BEST3: variants seen among roughly 807,000 people sequenced by gnomAD.
BEST3 encodes bestrophin-3.
A neutral mutation model predicts 47.1 loss-of-function variants in BEST3; 50 were observed. The observed-to-expected ratio is 1.06, with a 90% CI of 0.85 to 1.34. BEST3 has a LOEUF of 1.34. BEST3 is among the 40% of genes most tolerant of loss of function. BEST3 has a pLI of 0.00. For missense variants in BEST3, 765 were observed against 817.0 expected, an observed-to-expected ratio of 0.94 and a Z score of 0.78; for synonymous variants, 282 against 298.8, an observed-to-expected ratio of 0.94 and a Z score of 0.58.
intron 7 of BEST3, among the ~76,000 whole-genome samples, chr12:69,675,974 A>C (rs187322740): frequency 1.3e-5 from 2 of 152,338 alleles, no homozygotes; most frequent in Admixed American, 1.3e-4. Context: ...CTTTGAATGA[A>C]CTTAATGAAG....
chr12:69,682,875 C>A (rs749612247), intron 4 of BEST3, among the ~76,000 whole-genome samples: 38 of 152,096 alleles, frequency 2.5e-4, no homozygotes, highest in African/African-American at 5.6e-4. Flanking sequence ...CTGTGCCTGG[C>A]CAGTTAAATC....
rs545483631 is a variant in BEST3 at position 69,644,120 on chromosome 12, G to T, written c.1101-333C>A. 2.6e-5 allele frequency among the ~76,000 whole-genome samples: 4 copies of T among 152,298 alleles called. No individual in the cohort carries two copies. In the East Asian group the frequency reaches 7.7e-4, roughly 29 times the overall value. ...GGAGGGGAGCAGGTACAACTGTAGG[G>T]AATGTATTTATAGAGAAATAAGCTC... On this transcript the variant is annotated intron_variant, in intron 9 of 9. Transcript: ENST00000331471.
chr12:69,651,747 C>G (rs563958476), downstream of BEST3, among the ~76,000 whole-genome samples: 1 of 142,948 alleles, frequency 7.0e-6, no homozygotes, highest in East Asian at 2.0e-4. Flanking sequence ...TGCACTCCAG[C>G]TCTGGGCGAC....
chr12:69,645,249 A>C (rs1031727460), intron 9 of BEST3, among the ~76,000 whole-genome samples: 7 of 152,220 alleles, frequency 4.6e-5, no homozygotes, highest in Non-Finnish European at 8.8e-5. Flanking sequence ...CTGATGAGTA[A>C]GGTTTTGGAA....
Sources: gnomAD v4.1 joint callset for allele counts (sites outside exome capture counted in the v4.1 genomes callset) on GRCh38, gnomAD v4.1.1 for gene constraint, MANE v1.5 for transcripts, NCBI Gene and HGNC (gene_info 2026-07-23, HGNC 2026-07-21) for gene names.